KDM4C: variants seen among roughly 807,000 people sequenced by gnomAD.
KDM4C encodes the protein lysine demethylase 4C, also known as lysine-specific demethylase 4C.
KDM4C carries 81 observed loss-of-function variants against 129.3 expected under a neutral mutation model. The ratio of observed to expected loss-of-function variants is 0.63; its 90% CI spans 0.52 to 0.75. The LOEUF is 0.75. Among genes scored for constraint, KDM4C ranks in the 30% least tolerant of loss-of-function variants. The pLI, the probability that KDM4C is intolerant of heterozygous loss-of-function variation, is 0.00. For synonymous variants in KDM4C, 573 were observed against 456.1 expected, an observed-to-expected ratio of 1.26 and a Z score of -3.26; for missense variants, 1,457 against 1,304.0, an observed-to-expected ratio of 1.12 and a Z score of -1.81.
chr9:6,930,255 A>T (rs1823420055), intron 8 of KDM4C, among the ~76,000 whole-genome samples: 1 of 152,160 alleles, frequency 6.6e-6, no homozygotes, highest in South Asian at 2.1e-4. Flanking sequence ...ATGTATGTTG[A>T]ATTTTCACAT....
chr9:7,140,237 C>T (rs978002229), intron 19 of KDM4C, among the ~76,000 whole-genome samples: 1 of 152,194 alleles, frequency 6.6e-6, no homozygotes, highest in Non-Finnish European at 1.5e-5. Flanking sequence ...GTGTATGTGG[C>T]AGGGGCTGAG....
chr9:6,752,741 T>C (rs1430854666), upstream of KDM4C, among the ~76,000 whole-genome samples: 1 of 152,168 alleles, frequency 6.6e-6, no homozygotes, highest in Non-Finnish European at 1.5e-5. Flanking sequence ...CAAAAAGTTA[T>C]ATTGTGGTCT....
At chr9:6,954,517 C>T (rs1316930686) in intron 8 of KDM4C, among the ~76,000 whole-genome samples, 5 of 152,144 alleles carry the variant, frequency 3.3e-5, no homozygotes, top group South Asian at 2.1e-4. Flanking sequence ...TGTCTGTTCA[C>T]GATGTGTTAG....
intron 17 of KDM4C, among the ~76,000 whole-genome samples, chr9:7,082,679 G>C (rs1417949948): frequency 6.6e-6 from 1 of 152,122 alleles, no homozygotes; most frequent in African/African-American, 2.4e-5. Context: ...CTACTGTGTT[G>C]TCACGCGTGG....
chr9:7,027,724 G>C (rs191715383), intron 15 of KDM4C, among the ~76,000 whole-genome samples: 2 of 152,356 alleles, frequency 1.3e-5, no homozygotes, highest in African/African-American at 4.8e-5. Flanking sequence ...TACCATCCAG[G>C]AGCTAGGGAC....
intron 1 of KDM4C, among the ~76,000 whole-genome samples, chr9:6,768,647 C>A (rs1280060888): frequency 6.6e-6 from 1 of 152,052 alleles, no homozygotes; most frequent in East Asian, 1.9e-4. Flanking sequence ...AATATGTATT[C>A]TTGTTGTAGG....
intron 17 of KDM4C, among the ~76,000 whole-genome samples, chr9:7,054,376 A>G (rs1587295873): frequency 6.6e-6 from 1 of 152,198 alleles, no homozygotes; most frequent in Admixed American, 6.5e-5. Flanking sequence ...TCATAAGTGA[A>G]TCTCTGGAAG....
chr9:7,052,894 A>C (rs368674608), intron 17 of KDM4C, among the ~76,000 whole-genome samples: 13,770 of 105,456 alleles, frequency 0.13, 1,405 homozygotes, highest in South Asian at 0.25. Context: ...AGAGAGAGAG[A>C]GAGAGAGCGA....
In KDM4C at chr9:7,128,106, C is replaced by T. The variant is rs142855462; in HGVS notation, c.2651C>T (p.Thr884Met). The change falls in exon 19 of 22, where the codon ACG becomes ATG. Residue 884 changes from threonine (T) to methionine (M), a missense_variant. Coordinates refer to ENST00000381309, the MANE Select transcript of KDM4C (RefSeq NM_015061.6). ...ACEKVISVGQ[T>M]VITKHRNTRY... ...GAGAAGGTCATTTCCGTGGGTCAAACGGTCATCACGAAGCATCGGAACACC... is the reference window on the plus strand; with the variant it reads ...GAGAAGGTCATTTCCGTGGGTCAAATGGTCATCACGAAGCATCGGAACACC... 25 of 1,608,096 alleles carry T rather than the reference C, an allele frequency of 1.6e-5. No homozygotes were observed. Among genetic ancestry groups the T allele is most frequent in the African/African-American group, 6.7e-5 (5 of 74,594 alleles).
chr9:7,089,579 C>G (rs140771257), intron 17 of KDM4C, among the ~76,000 whole-genome samples: 1 of 152,314 alleles, frequency 6.6e-6, no homozygotes, highest in African/African-American at 2.4e-5. Flanking sequence ...TGACACAATA[C>G]TCTTGTGAGG....
chr9:6,979,869 A>G (rs779006013), intron 8 of KDM4C, among the ~76,000 whole-genome samples: 9 of 152,196 alleles, frequency 5.9e-5, no homozygotes. Flanking sequence ...ATGTAGGAGA[A>G]TAGAAGAACT....
chr9:7,120,086 G>A (rs1022551877), intron 18 of KDM4C, among the ~76,000 whole-genome samples: 2 of 151,954 alleles, frequency 1.3e-5, no homozygotes, highest in African/African-American at 2.4e-5. Context: ...TCGTGGCATT[G>A]ATTGACAGGT....
intron 8 of KDM4C, among the ~76,000 whole-genome samples, chr9:6,962,202 T>C (rs1323165600): frequency 6.6e-6 from 1 of 152,242 alleles, no homozygotes; most frequent in Non-Finnish European, 1.5e-5. Context: ...TCTTGTACTT[T>C]GTATGCTCAA....
intron 17 of KDM4C, among the ~76,000 whole-genome samples, chr9:7,064,911 A>C (rs1001868591): frequency 6.6e-6 from 1 of 152,196 alleles, no homozygotes; most frequent in South Asian, 2.1e-4. Context: ...CTTTTGAAGT[A>C]TAATAATCAA....
intron 19 of KDM4C, among the ~76,000 whole-genome samples, chr9:7,136,688 T>G (rs927774118): frequency 1.3e-5 from 2 of 152,236 alleles, no homozygotes; most frequent in Non-Finnish European, 2.9e-5. Context: ...TTTCTTATAT[T>G]GAGTTGTGGG....
At chr9:6,732,523 C>T (rs181527055) in intron 1 of KDM4C, among the ~76,000 whole-genome samples, 17 of 151,614 alleles carry the variant, frequency 1.1e-4, no homozygotes, top group African/African-American at 1.7e-4. Context: ...GCTGGGATTA[C>T]GGGCATGAGC....
chr9:6,928,204 A>G (rs1181265243), intron 8 of KDM4C, among the ~76,000 whole-genome samples: 1 of 152,006 alleles, frequency 6.6e-6, no homozygotes, highest in Non-Finnish European at 1.5e-5. Flanking sequence ...TTCTCATAAC[A>G]CTATACTCAC....
At chr9:7,164,957 A>T (rs955741972) in intron 19 of KDM4C, among the ~76,000 whole-genome samples, 2 of 152,188 alleles carry the variant, frequency 1.3e-5, no homozygotes, top group Non-Finnish European at 2.9e-5. Flanking sequence ...TGCATATTTT[A>T]GTTACCCCCT....
At chr9:6,870,274 T>C (rs1842652841) in intron 5 of KDM4C, among the ~76,000 whole-genome samples, 1 of 151,722 alleles carries the variant, frequency 6.6e-6, no homozygotes, top group Non-Finnish European at 1.5e-5. Context: ...GTAAGGGGGG[T>C]TTTTCCCTTG....
Sources: gnomAD v4.1 joint callset for allele counts (sites outside exome capture counted in the v4.1 genomes callset) on GRCh38, gnomAD v4.1.1 for gene constraint, MANE v1.5 for transcripts, NCBI Gene and HGNC (gene_info 2026-07-23, HGNC 2026-07-21) for gene names.